Variants in METTL16 observed in about 807,000 individuals in gnomAD.
The protein encoded by METTL16 is RNA N(6)-adenosine-methyltransferase METTL16.
A neutral mutation model predicts 57.9 loss-of-function variants in METTL16; 19 were observed. That is an observed-to-expected ratio of 0.33 (90% confidence interval 0.23 to 0.48). The LOEUF (loss-of-function observed/expected upper bound fraction) is 0.48, where lower values mean the gene tolerates loss of function less well. Among genes scored for constraint, METTL16 ranks in the 20% least tolerant of loss-of-function variants. METTL16 has a pLI of 0.99. For missense variants in METTL16, 434 were observed against 691.5 expected, an observed-to-expected ratio of 0.63 and a Z score of 4.18; for synonymous variants, 246 against 255.6, an observed-to-expected ratio of 0.96 and a Z score of 0.36.
At chr17:2,462,693 G>A (rs1353745528) in intron 6 of METTL16, among the ~76,000 whole-genome samples, 2 of 152,050 alleles carry the variant, frequency 1.3e-5, no homozygotes, top group South Asian at 4.2e-4. Context: ...TTCACCTTCC[G>A]CCATGATTGT....
At chr17:2,460,782 G>T (rs1321587297) in intron 6 of METTL16, among the ~76,000 whole-genome samples, 1 of 151,942 alleles carries the variant, frequency 6.6e-6, no homozygotes, top group Non-Finnish European at 1.5e-5. Context: ...CTACTCGGGA[G>T]GCTGAGGCAG....
At chr17:2,471,394 A>C (rs1309941468) in intron 4 of METTL16, among the ~76,000 whole-genome samples, 1 of 151,898 alleles carries the variant, frequency 6.6e-6, no homozygotes, top group Non-Finnish European at 1.5e-5. Context: ...CTGGTCTCGA[A>C]CTCCTGACCG....
intron 2 of METTL16, among the ~76,000 whole-genome samples, chr17:2,499,193 G>A (rs2067469109): frequency 1.3e-5 from 2 of 151,642 alleles, no homozygotes; most frequent in South Asian, 2.1e-4. Context: ...GCGTGTGACT[G>A]TGGCAGTGAC....
Position 2,419,516 on chromosome 17 carries a change from G to A in METTL16, c.*454C>T, listed in dbSNP as rs2151681523. 2.4e-6 allele frequency: 1 copy of A among 418,864 alleles called. No individual in the cohort carries two copies. Among genetic ancestry groups the A allele is most frequent in the African/African-American group, 2.0e-5 (1 of 48,872 alleles). The allele number at this position is 418,864 out of a possible 1,614,324, so 25.9% of individuals were successfully genotyped here. On this transcript the variant is annotated 3_prime_UTR_variant, in exon 10 of 10. Coordinates refer to ENST00000263092, the MANE Select transcript of METTL16 (RefSeq NM_024086.4). Reference sequence around the variant, plus strand: ...GATGCAAGGTAGGCCCCATCTTGAAGAGTGACCTAGAACAGGGTACCAGGG... The same window carrying A: ...GATGCAAGGTAGGCCCCATCTTGAAAAGTGACCTAGAACAGGGTACCAGGG...
chr17:2,439,841 A>C (rs765327928), intron 7 of METTL16, among the ~76,000 whole-genome samples: 31 of 152,120 alleles, frequency 2.0e-4, no homozygotes, highest in Admixed American at 1.2e-3. Flanking sequence ...AAAACAAAAA[A>C]CATATTTAGA....
intron 1 of METTL16, among the ~76,000 whole-genome samples, chr17:2,509,752 A>C (rs1597478305): frequency 6.6e-6 from 1 of 152,048 alleles, no homozygotes; most frequent in Non-Finnish European, 1.5e-5. Context: ...ATCTCTACTA[A>C]AAATACAAAA....
At chr17:2,481,112 T>A (rs1165160442) in intron 2 of METTL16, among the ~76,000 whole-genome samples, 2 of 151,704 alleles carry the variant, frequency 1.3e-5, no homozygotes, top group Admixed American at 1.3e-4. Flanking sequence ...AGGCTGAGCT[T>A]GCAGAATTGC....
At chr17:2,509,322 G>T (rs1281459091) in intron 1 of METTL16, among the ~76,000 whole-genome samples, 1 of 152,144 alleles carries the variant, frequency 6.6e-6, no homozygotes, top group Non-Finnish European at 1.5e-5. Flanking sequence ...CTCACACTAT[G>T]ACTAAAAATG....
intron 6 of METTL16, among the ~76,000 whole-genome samples, chr17:2,449,670 CACTT>C (rs1244895310): frequency 3.9e-5 from 6 of 152,166 alleles, no homozygotes; most frequent in Admixed American, 2.0e-4. Flanking sequence ...AGAAATAACT[CACTT>C]ACACGGTCAG....
intron 6 of METTL16, among the ~76,000 whole-genome samples, chr17:2,457,099 C>T (rs979646474): frequency 7.4e-4 from 111 of 150,930 alleles, no homozygotes; most frequent in African/African-American, 2.5e-3. Flanking sequence ...TTTGGGAGGC[C>T]AAGGCGGGTG....
chr17:2,484,171 CA>C (rs2067325584), intron 2 of METTL16, among the ~76,000 whole-genome samples: 1 of 152,076 alleles, frequency 6.6e-6, no homozygotes. Flanking sequence ...TAAATAGTAA[CA>C]AAAGTATTGC....
rs869134753 is a variant in METTL16 at position 2,417,085 on chromosome 17, T to TTTTTTTTTTA, written c.*2884_*2885insTAAAAAAAAA. 1.4e-5 allele frequency: 2 copies of TTTTTTTTTTA among 138,356 alleles called. 1 individual carries two copies. Among genetic ancestry groups the TTTTTTTTTTA allele is most frequent in the African/African-American group, 5.7e-5 (2 of 34,948 alleles). The allele number at this position is 138,356 out of a possible 1,614,324, so 8.6% of individuals were successfully genotyped here. A position where few individuals can be genotyped will look rare whatever the true frequency, so the allele number is the denominator to read the frequency against. ...TTTTTTTTTTTTTTTTTTTTTTTTT[T>TTTTTTTTTTA]GAGACAGTCCCACTTTGTCGCCCAG... On this transcript the variant is annotated 3_prime_UTR_variant, in exon 10 of 10. Transcript: ENST00000263092.
intron 2 of METTL16, among the ~76,000 whole-genome samples, chr17:2,491,560 C>T (rs748337227): frequency 2.0e-4 from 31 of 152,246 alleles, no homozygotes; most frequent in Middle Eastern, 3.4e-3. Context: ...AAAGCCCTTC[C>T]ATGCTAGGTC....
intron 1 of METTL16, among the ~76,000 whole-genome samples, chr17:2,505,872 C>T (rs140624757): frequency 0.015 from 2,251 of 152,306 alleles, 28 homozygotes; most frequent in Middle Eastern, 0.054. Context: ...ATGCAAGGCA[C>T]TACATGACCT....
chr17:2,426,346 C>T (rs1024693043), intron 8 of METTL16, among the ~76,000 whole-genome samples: 1 of 152,186 alleles, frequency 6.6e-6, no homozygotes, highest in South Asian at 2.1e-4. Flanking sequence ...TGCACATCAC[C>T]ACACCCAGCC....
At chr17:2,452,811 T>C (rs2067080761) in intron 6 of METTL16, among the ~76,000 whole-genome samples, 2 of 152,170 alleles carry the variant, frequency 1.3e-5, no homozygotes, top group African/African-American at 4.8e-5. Flanking sequence ...CTGTAATATT[T>C]TGGCATGTCC....
At chr17:2,463,841 G>A (rs2067171106) in intron 6 of METTL16, among the ~76,000 whole-genome samples, 1 of 151,984 alleles carries the variant, frequency 6.6e-6, no homozygotes, top group Admixed American at 6.6e-5. Context: ...AACTACACAG[G>A]GGAGGCCGGG....
intron 6 of METTL16, 74 bp downstream of exon 6, chr17:2,464,134 A>G: frequency 1.3e-6 from 2 of 1,484,636 alleles, no homozygotes; most frequent in East Asian, 2.4e-5. Flanking sequence ...CGCCACCAAA[A>G]AAAAGAGAAC....
chr17:2,498,404 C>G (rs977267588), intron 2 of METTL16, among the ~76,000 whole-genome samples: 5 of 150,722 alleles, frequency 3.3e-5, no homozygotes, highest in Non-Finnish European at 5.9e-5. Context: ...GAGCAAGACT[C>G]TGTCTCCAAA....
Sources: gnomAD v4.1 joint callset for allele counts (sites outside exome capture counted in the v4.1 genomes callset) on GRCh38, gnomAD v4.1.1 for gene constraint, MANE v1.5 for transcripts, NCBI Gene and HGNC (gene_info 2026-07-23, HGNC 2026-07-21) for gene names.